Variants in TRPM6 observed in about 807,000 individuals in gnomAD.
TRPM6 encodes channel kinase 2.
Under a neutral mutation model 247.6 loss-of-function variants are expected in TRPM6, and 111 were observed. That is an observed-to-expected ratio of 0.45 (90% CI 0.38 to 0.52). The LOEUF (loss-of-function observed/expected upper bound fraction) is 0.52, where lower values mean the gene tolerates loss of function less well. Among genes scored for constraint, TRPM6 ranks in the 20% least tolerant of loss-of-function variants. The pLI is 0.00. For missense variants in TRPM6, 2,126 were observed against 2,421.5 expected (o/e 0.88, Z 2.56); for synonymous variants, 892 against 853.8 (o/e 1.04, Z -0.78).
chr9:74,799,693 C>A (rs1368960786), intron 17 of TRPM6, among the ~76,000 whole-genome samples: 1 of 151,928 alleles, frequency 6.6e-6, no homozygotes, highest in Non-Finnish European at 1.5e-5. Flanking sequence ...TTATTGGAGG[C>A]AATAGCAACT....
At chr9:74,738,747 C>A in intron 35 of TRPM6, 135 bp from the exon 36 acceptor site, 1 of 788,738 alleles carries the variant, frequency 1.3e-6, no homozygotes, top group Admixed American at 2.0e-5. Context: ...CTTGCCCTTT[C>A]TATGGAAGGG....
intron 32 of TRPM6, 149 bp from the exon 33 acceptor site, chr9:74,742,775 G>A: frequency 1.4e-6 from 1 of 730,556 alleles, no homozygotes; most frequent in Non-Finnish European, 2.3e-6. Flanking sequence ...CTATAATACA[G>A]TCTTAAAAAT....
chr9:74,815,839 G>A (rs905145566), intron 11 of TRPM6, among the ~76,000 whole-genome samples: 3 of 152,128 alleles, frequency 2.0e-5, no homozygotes, highest in Non-Finnish European at 4.4e-5. Context: ...TTTAAACAAT[G>A]TGCATGTATT....
intron 1 of TRPM6, among the ~76,000 whole-genome samples, chr9:74,865,735 CT>C (rs932226946): frequency 6.6e-6 from 1 of 152,124 alleles, no homozygotes; most frequent in African/African-American, 2.4e-5. Flanking sequence ...AAAATAAAGT[CT>C]TTTTTGGAGT....
rs377543926 is a variant in TRPM6, at chr9:74,788,570, G to A, written c.2667+44C>T. ...AGTCTTTCAGTGGACACCTACAGAA[G>A]CTGAGGACATATGCAGAAGATAAAG... On this transcript the variant is annotated intron_variant, in intron 20 of 38. Transcript: ENST00000360774. The A allele has an allele frequency of 1.4e-4, 228 of 1,611,414 alleles. 1 individual carries two copies. Among genetic ancestry groups the A allele is most frequent in the Admixed American group, 2.0e-4 (12 of 59,944 alleles).
intron 31 of TRPM6, among the ~76,000 whole-genome samples, chr9:74,745,773 G>C (rs1826025400): frequency 6.6e-6 from 1 of 152,182 alleles, no homozygotes; most frequent in South Asian, 2.1e-4. Flanking sequence ...GAGTATTGTA[G>C]ACTCTGTTTG....
chr9:74,821,065 G>C (rs1003667480), intron 8 of TRPM6, among the ~76,000 whole-genome samples: 2 of 152,086 alleles, frequency 1.3e-5, no homozygotes, highest in African/African-American at 2.4e-5. Flanking sequence ...GCAAATAACT[G>C]TTTACTAAAT....
intron 5 of TRPM6, 103 bp from the exon 6 acceptor site, chr9:74,834,225 T>C: frequency 7.1e-7 from 1 of 1,401,504 alleles, no homozygotes; most frequent in Non-Finnish European, 1.0e-6. Context: ...ATGCAAGGGC[T>C]ATTCTTAGGG....
chr9:74,805,437 T>C (rs1251880784), intron 14 of TRPM6, among the ~76,000 whole-genome samples: 1 of 152,082 alleles, frequency 6.6e-6, no homozygotes, highest in Non-Finnish European at 1.5e-5. Flanking sequence ...ATCCCAGAAA[T>C]TACTCCCTCA....
At chr9:74,863,007 C>G (rs1478363656) in intron 1 of TRPM6, among the ~76,000 whole-genome samples, 1 of 151,816 alleles carries the variant, frequency 6.6e-6, no homozygotes, top group African/African-American at 2.4e-5. Flanking sequence ...TAGTTTTATG[C>G]ATGAAACAAA....
At chr9:74,823,005 C>T (rs902432426) in intron 7 of TRPM6, among the ~76,000 whole-genome samples, 2 of 152,154 alleles carry the variant, frequency 1.3e-5, no homozygotes, top group South Asian at 4.1e-4. Context: ...GGGACCTTGT[C>T]TATTTATTCT....
intron 7 of TRPM6, among the ~76,000 whole-genome samples, chr9:74,823,327 A>T (rs917375730): frequency 6.6e-6 from 1 of 152,192 alleles, no homozygotes; most frequent in African/African-American, 2.4e-5. Context: ...CAAAAATCCA[A>T]GGTTTCCAAA....
At chr9:74,744,963 C>T (rs1163286272) in intron 31 of TRPM6, among the ~76,000 whole-genome samples, 1 of 152,174 alleles carries the variant, frequency 6.6e-6, no homozygotes, top group African/African-American at 2.4e-5. Context: ...GCAGAAAAGA[C>T]TGTTTCTTTC....
intron 1 of TRPM6, among the ~76,000 whole-genome samples, chr9:74,863,932 G>A (rs1377000773): frequency 6.6e-6 from 1 of 151,166 alleles, no homozygotes. Context: ...ATGATTGGAG[G>A]TAAAGGGAGA....
intron 23 of TRPM6, among the ~76,000 whole-genome samples, chr9:74,779,010 A>G (rs1476267434): frequency 6.6e-6 from 1 of 152,126 alleles, no homozygotes; most frequent in Non-Finnish European, 1.5e-5. Context: ...GCGGGGTGTG[A>G]GCCTTTCCCC....
At position 74,854,287 on chromosome 9, in the gene TRPM6, G is replaced by A. The variant is rs188967875; in HGVS notation, c.152+1240C>T. The stretch of plus-strand genomic sequence containing the variant: ...TATGTTCACGTTAGTTGTCTCTGAA[G>A]GTTGTGGGGTTGAGATTTTGGAGGA... On this transcript the variant is annotated intron_variant, in intron 3 of 38. Transcript: ENST00000360774. 1.4e-4 allele frequency among the ~76,000 whole-genome samples: 21 copies of A among 152,334 alleles called. No individual in the cohort carries two copies. The East Asian group carries it at 3.7e-3, about 27-fold the overall frequency.
intron 19 of TRPM6, among the ~76,000 whole-genome samples, chr9:74,792,201 A>G (rs1195557286): frequency 6.6e-6 from 1 of 152,242 alleles, no homozygotes; most frequent in Non-Finnish European, 1.5e-5. Flanking sequence ...ATGTGCAACA[A>G]CATACTTGAG....
chr9:74,769,986 G>A (rs1826977057), intron 25 of TRPM6, among the ~76,000 whole-genome samples: 1 of 152,154 alleles, frequency 6.6e-6, no homozygotes, highest in African/African-American at 2.4e-5. Context: ...CGCAGAACGT[G>A]TAGAAGAAGG....
Position 74,762,353 on chromosome 9 carries a change from G to A in TRPM6, c.4318C>T (p.Leu1440Phe), listed in dbSNP as rs1229187260. The change falls in exon 26 of 39, where the codon CTT becomes TTT. Residue 1440 changes from leucine (L) to phenylalanine (F), a missense_variant. This residue lies in a region of TRPM6 where 717 missense variants were observed against 715.9 expected (regional missense o/e 1.00). Coordinates refer to ENST00000360774, the MANE Select transcript of TRPM6 (RefSeq NM_017662.5). Reference protein sequence around the residue: ...TPEPMTMSSPLSQAKIMQTGG... With the variant: ...TPEPMTMSSPFSQAKIMQTGG... Reference sequence around the variant, plus strand: ...GTTTGCATGATCTTGGCTTGGGAAAGAGGGGAGCTCATTGTCATGGGTTCA... The same window carrying A: ...GTTTGCATGATCTTGGCTTGGGAAAAAGGGGAGCTCATTGTCATGGGTTCA... 1 of 1,614,232 alleles carries A rather than the reference G, an allele frequency of 6.2e-7. No homozygotes were observed. The highest frequency in any genetic ancestry group is 8.5e-7 in the Non-Finnish European group (1 of 1,180,046).
Sources: gnomAD v4.1 joint callset for allele counts (sites outside exome capture counted in the v4.1 genomes callset) on GRCh38, gnomAD v4.1.1 for gene constraint, gnomAD v4.1.1 regional missense constraint, MANE v1.5 for transcripts, NCBI Gene and HGNC (gene_info 2026-07-23, HGNC 2026-07-21) for gene names.